TMEM131: variants seen among roughly 807,000 people sequenced by gnomAD.
TMEM131 encodes 2610524E03Rik.
Under a neutral mutation model 211.6 loss-of-function variants are expected in TMEM131, and 66 were observed. The ratio of observed to expected loss-of-function variants is 0.31; its 90% confidence interval spans 0.26 to 0.38. TMEM131 has a LOEUF of 0.38. Ranked by LOEUF, TMEM131 falls within the 10% of genes least tolerant of loss-of-function variation. The pLI is 1.00. For synonymous variants in TMEM131, 844 were observed against 841.3 expected, an observed-to-expected ratio of 1.00 and a Z score of -0.06; for missense variants, 2,036 against 2,299.3, an observed-to-expected ratio of 0.89 and a Z score of 2.34.
chr2:97,761,055 C>T (rs1678814111), intron 36 of TMEM131, 141 bp from the exon 37 acceptor site: 1 of 1,097,666 alleles, frequency 9.1e-7, no homozygotes, highest in South Asian at 1.5e-5. Context: ...CCTCATGTCA[C>T]ATGCTCTGGG....
intron 2 of TMEM131, among the ~76,000 whole-genome samples, chr2:97,918,344 CTTA>C (rs1676598801): frequency 6.6e-6 from 1 of 152,122 alleles, no homozygotes; most frequent in Non-Finnish European, 1.5e-5. Context: ...CAAAGACACT[CTTA>C]TTATTAAGAA....
intron 4 of TMEM131, among the ~76,000 whole-genome samples, chr2:97,864,018 T>G (rs1021700575): frequency 6.6e-6 from 1 of 152,214 alleles, no homozygotes; most frequent in Non-Finnish European, 1.5e-5. Context: ...ATGTGGTACA[T>G]ATACACGATG....
chr2:97,786,485 C>T (rs1315737496), intron 31 of TMEM131, among the ~76,000 whole-genome samples: 4 of 152,176 alleles, frequency 2.6e-5, no homozygotes, highest in Non-Finnish European at 4.4e-5. Context: ...GCTGAGATCA[C>T]ACCACTGCAC....
At chr2:97,971,910 T>C (rs1201463329) in intron 1 of TMEM131, among the ~76,000 whole-genome samples, 1 of 152,020 alleles carries the variant, frequency 6.6e-6, no homozygotes, top group Non-Finnish European at 1.5e-5. Context: ...AATTCTTCAC[T>C]GTCATCAAAA....
At chr2:97,946,813 G>A (rs1179237463) in intron 1 of TMEM131, among the ~76,000 whole-genome samples, 1 of 151,760 alleles carries the variant, frequency 6.6e-6, no homozygotes, top group African/African-American at 2.4e-5. Context: ...TATTACAGAT[G>A]CAAAAATTCT....
At chr2:97,765,875 A>C (rs1219851478) in intron 35 of TMEM131, among the ~76,000 whole-genome samples, 1 of 152,156 alleles carries the variant, frequency 6.6e-6, no homozygotes, top group East Asian at 1.9e-4. Context: ...GCTCCCTGAA[A>C]AAAAAAAAGC....
intron 4 of TMEM131, among the ~76,000 whole-genome samples, chr2:97,882,621 A>T (rs1289010699): frequency 6.6e-6 from 1 of 152,186 alleles, no homozygotes; most frequent in Non-Finnish European, 1.5e-5. Context: ...CCAGCCCGCT[A>T]TCCTCCCTTA....
At chr2:97,858,644 A>G (rs7561104) in intron 5 of TMEM131, among the ~76,000 whole-genome samples, 115,804 of 152,102 alleles carry the variant, frequency 0.76, 45,743 homozygotes, top group African/African-American at 0.88. Context: ...AGAAGAGGAC[A>G]CCAGAGAGGT....
intron 3 of TMEM131, among the ~76,000 whole-genome samples, chr2:97,895,393 A>T (rs1372896267): frequency 6.6e-6 from 1 of 152,174 alleles, no homozygotes; most frequent in East Asian, 1.9e-4. Context: ...AAAATGAGTT[A>T]AGGAGGATTC....
chr2:97,989,933 G>A (rs1159279111), intron 1 of TMEM131, among the ~76,000 whole-genome samples: 1 of 152,168 alleles, frequency 6.6e-6, no homozygotes, highest in Non-Finnish European at 1.5e-5. Flanking sequence ...AACTTCTTCT[G>A]GAGCCCTTGG....
At chr2:97,767,294 C>T (rs1180363166) in intron 33 of TMEM131, among the ~76,000 whole-genome samples, 1 of 151,998 alleles carries the variant, frequency 6.6e-6, no homozygotes, top group African/African-American at 2.4e-5. Context: ...TCTTAAGTTT[C>T]CAAAGCTCAA....
intron 11 of TMEM131, among the ~76,000 whole-genome samples, chr2:97,824,376 T>G (rs573874352): frequency 3.9e-5 from 6 of 152,236 alleles, no homozygotes; most frequent in Admixed American, 3.9e-4. Flanking sequence ...TGGACACTGG[T>G]GCAGCCTTCT....
chr2:97,764,806 G>C (rs1323869157), intron 35 of TMEM131: 1 of 152,262 alleles, frequency 6.6e-6, no homozygotes, highest in Non-Finnish European at 1.5e-5. Context: ...TCAACATGTG[G>C]CTCAGGTGCC....
chr2:97,847,293 A>AATCC (rs1683496579), intron 5 of TMEM131, among the ~76,000 whole-genome samples: 1 of 152,220 alleles, frequency 6.6e-6, no homozygotes, highest in South Asian at 2.1e-4. Context: ...TACACAGAAA[A>AATCC]ATCCCTAAAA....
rs576679511 is a variant in TMEM131 at position 97,850,835 on chromosome 2, C to A, written c.484-6574G>T. On this transcript the variant is annotated intron_variant, in intron 5 of 40. Coordinates refer to ENST00000186436, the MANE Select transcript of TMEM131 (RefSeq NM_015348.2). ...CCTATGTTTATTACTGAAAATGTAT[C>A]CAGAGGAAAACTGGTTTCCTTTAAG... 1.6e-4 allele frequency among the ~76,000 whole-genome samples: 24 copies of A among 152,136 alleles called. 1 individual carries two copies. In the South Asian group the frequency reaches 4.8e-3, roughly 30 times the overall value.
intron 1 of TMEM131, among the ~76,000 whole-genome samples, chr2:97,947,938 A>C (rs1302654485): frequency 6.6e-6 from 1 of 152,202 alleles, no homozygotes; most frequent in Non-Finnish European, 1.5e-5. Context: ...GGGGAAAAGT[A>C]ATCTTTTCAA....
Position 97,942,925 on chromosome 2 carries a change from C to A in TMEM131, c.188-15438G>T, listed in dbSNP as rs1431309838. Among the ~76,000 whole-genome samples the A allele has an allele frequency of 2.0e-5, 3 of 148,994 alleles. No individual in the cohort carries two copies. The Admixed American group carries it at 2.0e-4, about 10-fold the overall frequency. ...TCATTTGAGCCTAGGAGTTCAACACCAGCCTGGGCAACATAGCAACATACC... is the reference window on the plus strand; with the variant it reads ...TCATTTGAGCCTAGGAGTTCAACACAAGCCTGGGCAACATAGCAACATACC... On this transcript the variant is annotated intron_variant, in intron 1 of 40. Transcript: ENST00000186436.
At chr2:97,893,588 C>G (rs1003767626) in intron 3 of TMEM131, among the ~76,000 whole-genome samples, 2 of 152,218 alleles carry the variant, frequency 1.3e-5, no homozygotes, top group Non-Finnish European at 2.9e-5. Context: ...GCCATTCTAA[C>G]TGGCGTGAGA....
chr2:97,795,955 A>G (rs988691766), intron 28 of TMEM131, among the ~76,000 whole-genome samples: 4 of 152,196 alleles, frequency 2.6e-5, no homozygotes, highest in Non-Finnish European at 5.9e-5. Flanking sequence ...GATTTCTAAG[A>G]TTATCTGATC....
Sources: gnomAD v4.1 joint callset for allele counts (sites outside exome capture counted in the v4.1 genomes callset) on GRCh38, gnomAD v4.1.1 for gene constraint, MANE v1.5 for transcripts, NCBI Gene and HGNC (gene_info 2026-07-23, HGNC 2026-07-21) for gene names.